The following PHACTR3 variants were observed in gnomAD, a reference collection of about 807,000 sequenced individuals.
PHACTR3 encodes phosphatase and actin regulator 3.
In PHACTR3, 16 loss-of-function variants were observed where a neutral mutation model predicts 66.8. That is an observed-to-expected ratio of 0.24 (90% CI 0.16 to 0.36). The LOEUF is 0.36. PHACTR3 is among the 10% of genes least tolerant of loss of function. PHACTR3 has a pLI of 1.00. For synonymous variants in PHACTR3, 323 were observed against 292.1 expected (o/e 1.11, Z -1.08); for missense variants, 647 against 719.9 (o/e 0.90, Z 1.16).
chr20:59,783,042 G>T (rs540178580), intron 7 of PHACTR3, among the ~76,000 whole-genome samples: 1 of 152,300 alleles, frequency 6.6e-6, no homozygotes, highest in Non-Finnish European at 1.5e-5. Flanking sequence ...TTTAAGTGTG[G>T]GGAGGGTGTA....
intron 9 of PHACTR3, among the ~76,000 whole-genome samples, chr20:59,838,461 A>G (rs200313478): frequency 7.7e-6 from 1 of 129,680 alleles, no homozygotes; most frequent in Non-Finnish European, 1.6e-5. Context: ...TAACGTGGAT[A>G]GAAAAGCAGA....
At chr20:59,593,155 C>T (rs534293210) in intron 1 of PHACTR3, among the ~76,000 whole-genome samples, 29 of 152,302 alleles carry the variant, frequency 1.9e-4, no homozygotes, top group Admixed American at 5.2e-4. Flanking sequence ...TCCACATTCT[C>T]GTCAGCATTT....
intron 3 of PHACTR3, 63 bp downstream of exon 3, chr20:59,747,898 C>T (rs1180232107): frequency 1.3e-6 from 2 of 1,533,210 alleles, no homozygotes; most frequent in South Asian, 1.1e-5. Context: ...TGGAAAGTCT[C>T]ACATGAGCCC....
chr20:59,826,458 T>TG (rs1165036502), intron 8 of PHACTR3, among the ~76,000 whole-genome samples: 3 of 152,128 alleles, frequency 2.0e-5, no homozygotes, highest in African/African-American at 7.2e-5. Flanking sequence ...CAGTGGGGTG[T>TG]GGGGCACATT....
At chr20:59,586,408 A>G (rs2033029785) in intron 1 of PHACTR3, among the ~76,000 whole-genome samples, 1 of 152,220 alleles carries the variant, frequency 6.6e-6, no homozygotes, top group African/African-American at 2.4e-5. Flanking sequence ...AATTCCAGTA[A>G]CAAGGACGCT....
intron 1 of PHACTR3, among the ~76,000 whole-genome samples, chr20:59,671,073 CAGAG>C (rs931318773): frequency 2.8e-4 from 42 of 152,316 alleles, no homozygotes; most frequent in African/African-American, 1.0e-3. Context: ...CATTTGGTTT[CAGAG>C]AGAACCATGT....
chr20:59,600,449 T>A (rs1600888699), upstream of PHACTR3, among the ~76,000 whole-genome samples: 1 of 152,298 alleles, frequency 6.6e-6, no homozygotes, highest in East Asian at 1.9e-4. Context: ...CATCCATTGG[T>A]CTGTACCTGC....
chr20:59,828,493 A>G (rs2145454032), intron 8 of PHACTR3, among the ~76,000 whole-genome samples: 1 of 152,162 alleles, frequency 6.6e-6, no homozygotes, highest in African/African-American at 2.4e-5. Flanking sequence ...TATATTGCAG[A>G]TAGGGTGTTA....
rs955609611 is a variant in PHACTR3 at position 59,830,899 on chromosome 20, A to G, written c.1329-5606A>G. Among the ~76,000 whole-genome samples, 1 of 152,090 alleles carries G rather than the reference A, an allele frequency of 6.6e-6. No homozygotes were observed. The highest frequency in any genetic ancestry group is 1.5e-5 in the Non-Finnish European group (1 of 68,020). ...GTGCTGACTGTGGAATAGACAGTTG[A>G]CAGCCTCCACAGACCTGGAAATGTG... On this transcript the variant is annotated intron_variant, in intron 8 of 12. Transcript: ENST00000371015. This position sits in a 1 kb window ranked among gnomAD's most constrained non-coding sequence, Gnocchi z 5.8.
intron 8 of PHACTR3, among the ~76,000 whole-genome samples, chr20:59,821,828 C>A (rs1226636814): frequency 2.0e-5 from 3 of 151,748 alleles, no homozygotes; most frequent in Non-Finnish European, 4.4e-5. Flanking sequence ...TTTAAAAATG[C>A]CCCATTCCTG....
rs900490602 is a variant in PHACTR3 at position 59,604,957 on chromosome 20, C to T, written c.-58C>T. On this transcript the variant is annotated 5_prime_UTR_variant, in exon 1 of 13. Coordinates refer to ENST00000371015, the MANE Select transcript of PHACTR3 (RefSeq NM_080672.5). ...CCCCCTCGCCGGTGACCTTGGCCGC[C>T]TCGGATGCTCTGATTCCACGCGGCT... is the stretch of plus-strand genomic sequence containing the variant. 1.3e-5 allele frequency: 16 copies of T among 1,242,858 alleles called. No individual in the cohort carries two copies. In the South Asian group the frequency reaches 5.1e-4, roughly 40 times the overall value. 77.0% of individuals were successfully genotyped at this position (1,242,858 alleles called of 1,614,324 possible). A position where few individuals can be genotyped will look rare whatever the true frequency, so the allele number is the denominator to read the frequency against.
intron 1 of PHACTR3, among the ~76,000 whole-genome samples, chr20:59,611,299 A>G (rs1197362154): frequency 6.6e-6 from 1 of 152,234 alleles, no homozygotes; most frequent in Non-Finnish European, 1.5e-5. Context: ...ACATTCTCCA[A>G]TCCCCTTGAG....
At chr20:59,765,720 C>T (rs1431743014) in intron 4 of PHACTR3, among the ~76,000 whole-genome samples, 1 of 152,110 alleles carries the variant, frequency 6.6e-6, no homozygotes, top group Non-Finnish European at 1.5e-5. Context: ...GTTGTAACAC[C>T]CCCTCCCTGA....
intron 8 of PHACTR3, among the ~76,000 whole-genome samples, chr20:59,825,229 C>T (rs746919957): frequency 4.6e-5 from 7 of 152,202 alleles, no homozygotes; most frequent in Non-Finnish European, 1.0e-4. Context: ...GGCAGCTGTG[C>T]AAGCGTGGGA....
chr20:59,756,574 G>C (rs1442684218), intron 4 of PHACTR3, among the ~76,000 whole-genome samples: 2 of 145,498 alleles, frequency 1.4e-5, no homozygotes, highest in Non-Finnish European at 3.2e-5. Context: ...TGGGGTCTGA[G>C]AGTTGTGACT....
intron 1 of PHACTR3, among the ~76,000 whole-genome samples, chr20:59,636,273 A>T (rs1365491477): frequency 6.6e-6 from 1 of 152,190 alleles, no homozygotes; most frequent in Non-Finnish European, 1.5e-5. Flanking sequence ...GGGGGCATGG[A>T]TCAGGTCGCA....
At chr20:59,656,442 G>A (rs1426703109) in intron 1 of PHACTR3, among the ~76,000 whole-genome samples, 2 of 151,768 alleles carry the variant, frequency 1.3e-5, no homozygotes, top group Admixed American at 1.3e-4. Context: ...AGCTTTATCT[G>A]ATATTGGAAT....
intron 4 of PHACTR3, among the ~76,000 whole-genome samples, chr20:59,759,739 C>T (rs1184896908): frequency 6.6e-6 from 1 of 152,200 alleles, no homozygotes; most frequent in Non-Finnish European, 1.5e-5. Context: ...CATTCTGCAC[C>T]TCAGCACCCA....
intron 7 of PHACTR3, among the ~76,000 whole-genome samples, chr20:59,792,518 T>C (rs1024116966): frequency 2.0e-5 from 3 of 152,382 alleles, no homozygotes; most frequent in Admixed American, 6.5e-5. Context: ...TGTAAAGAAC[T>C]CTGTGCAGAT....
Sources: gnomAD v4.1 joint callset for allele counts (sites outside exome capture counted in the v4.1 genomes callset) on GRCh38, gnomAD v4.1.1 for gene constraint, Gnocchi (gnomAD v3.1) non-coding constraint, MANE v1.5 for transcripts, NCBI Gene and HGNC (gene_info 2026-07-23, HGNC 2026-07-21) for gene names.